The following KCNMA1 variants were observed in gnomAD, a reference collection of about 807,000 sequenced individuals.
KCNMA1 encodes the protein Calcium-activated potassium channel subunit alpha-1.
Under a neutral mutation model 140.0 loss-of-function variants are expected in KCNMA1, and 29 were observed. The observed-to-expected ratio is 0.21, with a 90% CI of 0.15 to 0.28. The LOEUF (loss-of-function observed/expected upper bound fraction) is 0.28, where lower values mean the gene tolerates loss of function less well. Among genes scored for constraint, KCNMA1 ranks in the 10% least tolerant of loss-of-function variants. The probability of loss-of-function intolerance (pLI) is 1.00; values close to 1 mark genes in which losing one functional copy is unlikely to be tolerated. For missense variants in KCNMA1, 880 were observed against 1,602.2 expected, an observed-to-expected ratio of 0.55 and a Z score of 7.70; for synonymous variants, 612 against 611.9, an observed-to-expected ratio of 1.00 and a Z score of 0.00.
At chr10:77,466,647 G>T (rs1251268661) in intron 1 of KCNMA1, among the ~76,000 whole-genome samples, 1 of 152,232 alleles carries the variant, frequency 6.6e-6, no homozygotes, top group African/African-American at 2.4e-5. Flanking sequence ...GGCTTCAATA[G>T]TCACAGAAAG....
intron 1 of KCNMA1, among the ~76,000 whole-genome samples, chr10:77,410,095 C>T (rs2096585552): frequency 6.6e-6 from 1 of 152,134 alleles, no homozygotes; most frequent in Non-Finnish European, 1.5e-5. Context: ...AAGCCAGAGC[C>T]CTCACAGAAC....
chr10:77,016,062 C>A (rs928805506), intron 17 of KCNMA1, among the ~76,000 whole-genome samples: 9 of 152,130 alleles, frequency 5.9e-5, no homozygotes, highest in Non-Finnish European at 1.2e-4. Flanking sequence ...GCTTTAGGAG[C>A]CAGCCTCTGC....
chr10:77,257,888 G>A (rs1381986713), intron 2 of KCNMA1, among the ~76,000 whole-genome samples: 2 of 152,202 alleles, frequency 1.3e-5, no homozygotes, highest in African/African-American at 4.8e-5. Context: ...GGAACTGTGA[G>A]TCCATTAAAC....
intron 14 of KCNMA1, among the ~76,000 whole-genome samples, chr10:77,068,314 C>T (rs944933058): frequency 2.0e-5 from 3 of 152,156 alleles, no homozygotes; most frequent in Admixed American, 6.5e-5. Flanking sequence ...AGCTGCTAAA[C>T]CAGACTAATT....
intron 15 of KCNMA1, among the ~76,000 whole-genome samples, chr10:77,037,434 C>T (rs908033000): frequency 2.6e-5 from 4 of 152,172 alleles, no homozygotes; most frequent in African/African-American, 9.7e-5. Flanking sequence ...GAAATATCAG[C>T]AACTAGTTGA....
intron 1 of KCNMA1, among the ~76,000 whole-genome samples, chr10:77,423,851 G>T (rs1446421703): frequency 6.6e-6 from 1 of 152,202 alleles, no homozygotes; most frequent in East Asian, 1.9e-4. Context: ...TAAGGCAGAG[G>T]CACCCCGTGG....
intron 1 of KCNMA1, among the ~76,000 whole-genome samples, chr10:77,529,927 C>T (rs1282886378): frequency 6.6e-6 from 1 of 152,224 alleles, no homozygotes; most frequent in East Asian, 1.9e-4. Flanking sequence ...CACCTCTTAC[C>T]TCATTCAAAC....
intron 5 of KCNMA1, among the ~76,000 whole-genome samples, chr10:77,171,606 TG>T (rs930772713): frequency 3.8e-4 from 58 of 152,280 alleles, no homozygotes; most frequent in African/African-American, 1.3e-3. Context: ...AAATACAGTC[TG>T]GCCAGGAGGA....
At chr10:77,572,460 A>G (rs978240275) in intron 1 of KCNMA1, among the ~76,000 whole-genome samples, 1 of 149,426 alleles carries the variant, frequency 6.7e-6, no homozygotes, top group African/African-American at 2.5e-5. Context: ...TCATTGATTA[A>G]TCAATAATAC....
intron 1 of KCNMA1, among the ~76,000 whole-genome samples, chr10:77,621,430 A>G (rs1385557684): frequency 6.6e-6 from 1 of 152,096 alleles, no homozygotes; most frequent in East Asian, 1.9e-4. Flanking sequence ...GCACAGGCCC[A>G]TGGTTTAATG....
intron 1 of KCNMA1, among the ~76,000 whole-genome samples, chr10:77,417,747 A>G (rs1455991630): frequency 6.6e-6 from 1 of 152,200 alleles, no homozygotes; most frequent in Non-Finnish European, 1.5e-5. Context: ...CATTTGCTGA[A>G]CTTGGATGGG....
At position 77,527,448 on chromosome 10, in the gene KCNMA1, G is replaced by C. The variant is rs149179955; in HGVS notation, c.378+109817C>G. ...TGCGCTGTCCTGCAGGCAGTCACAG[G>C]GGGAGAGGGGAAGAAGGCACTCTCA... is the stretch of plus-strand genomic sequence containing the variant. On this transcript the variant is annotated intron_variant, in intron 1 of 27. Transcript: ENST00000286628. Among the ~76,000 whole-genome samples the C allele has an allele frequency of 3.5e-3, 539 of 152,324 alleles. 3 individuals are homozygous for C. The highest frequency in any genetic ancestry group is 6.0e-3 in the Admixed American group (92 of 15,300).
chr10:77,617,141 A>T (rs1174813087), intron 1 of KCNMA1, among the ~76,000 whole-genome samples: 1 of 152,216 alleles, frequency 6.6e-6, no homozygotes, highest in Non-Finnish European at 1.5e-5. Flanking sequence ...GAACTGTTGA[A>T]CTTACTTTGC....
At chr10:77,541,525 A>AC (rs2060175596) in intron 1 of KCNMA1, among the ~76,000 whole-genome samples, 1 of 152,156 alleles carries the variant, frequency 6.6e-6, no homozygotes, top group South Asian at 2.1e-4. Flanking sequence ...AAAAGGACCC[A>AC]CACTTGGATT....
At chr10:77,212,422 G>C (rs1365963761) in intron 3 of KCNMA1, among the ~76,000 whole-genome samples, 1 of 152,078 alleles carries the variant, frequency 6.6e-6, no homozygotes, top group African/African-American at 2.4e-5. Context: ...ATAAACATGG[G>C]AACAATATAT....
chr10:76,977,545 T>G (rs1290297244), intron 19 of KCNMA1: 1 of 702,784 alleles, frequency 1.4e-6, no homozygotes, highest in East Asian at 2.7e-5. Flanking sequence ...TCGCTGACCT[T>G]TGACAGAGAA....
intron 6 of KCNMA1, among the ~76,000 whole-genome samples, chr10:77,115,911 T>C (rs935951257): frequency 7.2e-5 from 11 of 152,240 alleles, no homozygotes; most frequent in African/African-American, 2.7e-4. Context: ...GGTTAACCCC[T>C]GGTGGGCATT....
chr10:77,090,699 G>A (rs1322487418), intron 9 of KCNMA1, 189 bp from the exon 10 acceptor site: 1 of 607,100 alleles, frequency 1.6e-6, no homozygotes, highest in East Asian at 2.8e-5. Context: ...CAGGTGCTGA[G>A]ACTCCTAGAC....
Position 77,382,984 on chromosome 10 carries a change from GTGTGTGTGTGTATATATATATATA to G in KCNMA1, c.540+20854_540+20877del, listed in dbSNP as rs1230307515. On this transcript the variant is annotated intron_variant, in intron 2 of 27. Transcript: ENST00000286628. Reference sequence around the variant, plus strand: ...CGTGTGTGTGTGTGTGTGTGTGTGTGTGTGTGTGTGTATATATATATATATATATATATATATATATATATTCCA... The same window carrying G: ...CGTGTGTGTGTGTGTGTGTGTGTGTGTATATATATATATATATATATTCCA... Among the ~76,000 whole-genome samples the G allele has an allele frequency of 5.3e-3, 479 of 89,568 alleles. 3 individuals are homozygous for G. The highest frequency in any genetic ancestry group is 7.5e-3 in the Non-Finnish European group (396 of 52,808). 58.8% of individuals were successfully genotyped at this position (89,568 alleles called of 152,430 possible).
Sources: allele counts gnomAD v4.1 joint callset (sites outside exome capture counted in the v4.1 genomes callset), GRCh38; gene constraint gnomAD v4.1.1; transcripts MANE v1.5; gene names NCBI Gene and HGNC (gene_info 2026-07-23, HGNC 2026-07-21).